KPNA5: variants seen among roughly 807,000 people sequenced by gnomAD.
KPNA5 encodes karyopherin subunit alpha 5, also known as importin subunit alpha-6.
A neutral mutation model predicts 71.3 loss-of-function variants in KPNA5; 46 were observed. The ratio of observed to expected loss-of-function variants is 0.65; its 90% CI spans 0.51 to 0.83. The LOEUF is 0.83. KPNA5 is among the 40% of genes least tolerant of loss of function. The pLI is 0.00. For synonymous variants in KPNA5, 207 were observed against 201.4 expected (o/e 1.03, Z -0.24); for missense variants, 547 against 628.3 (o/e 0.87, Z 1.38).
intron 7 of KPNA5, among the ~76,000 whole-genome samples, chr6:116,710,993 C>G (rs1778653811): frequency 6.8e-6 from 1 of 147,692 alleles, no homozygotes; most frequent in Non-Finnish European, 1.5e-5. Flanking sequence ...CTCCCGGGTT[C>G]AAGCGATTCT....
chr6:116,711,686 A>G (rs1300862707), intron 7 of KPNA5, among the ~76,000 whole-genome samples: 1 of 151,956 alleles, frequency 6.6e-6, no homozygotes, highest in East Asian at 1.9e-4. Flanking sequence ...TTATGATTTC[A>G]CTTTTCAAAA....
At chr6:116,730,783 A>G (rs1779452385) in intron 13 of KPNA5, among the ~76,000 whole-genome samples, 1 of 151,700 alleles carries the variant, frequency 6.6e-6, no homozygotes, top group Non-Finnish European at 1.5e-5. Flanking sequence ...AGATAGTAGT[A>G]TGTATTTTTC....
intron 1 of KPNA5, chr6:116,681,612 C>T: frequency 4.7e-6 from 5 of 1,061,692 alleles, no homozygotes; most frequent in Non-Finnish European, 5.9e-6. Context: ...CTCATCTTCG[C>T]CGCCCCGCCT....
At chr6:116,687,650 T>C (rs1303196458) in intron 1 of KPNA5, among the ~76,000 whole-genome samples, 1 of 152,240 alleles carries the variant, frequency 6.6e-6, no homozygotes, top group Non-Finnish European at 1.5e-5. Flanking sequence ...CTCTGTCTTA[T>C]GTTATCTTGC....
At chr6:116,696,597 T>C (rs980523067) in intron 4 of KPNA5, among the ~76,000 whole-genome samples, 1 of 152,192 alleles carries the variant, frequency 6.6e-6, no homozygotes, top group African/African-American at 2.4e-5. Context: ...CTCTTGTGGA[T>C]GTAAATCACA....
chr6:116,685,120 A>G (rs1392782384), intron 1 of KPNA5, among the ~76,000 whole-genome samples: 2 of 152,232 alleles, frequency 1.3e-5, no homozygotes, highest in African/African-American at 4.8e-5. Context: ...TCCAAAAACT[A>G]GAAACCACCC....
chr6:116,724,017 A>G (rs1345167803), intron 9 of KPNA5, among the ~76,000 whole-genome samples: 2 of 152,140 alleles, frequency 1.3e-5, no homozygotes, highest in Non-Finnish European at 2.9e-5. Context: ...AATCATGAAA[A>G]ACATTGGATA....
At chr6:116,683,895 C>A (rs1777463669) in intron 1 of KPNA5, among the ~76,000 whole-genome samples, 2 of 122,532 alleles carry the variant, frequency 1.6e-5, no homozygotes, top group East Asian at 2.7e-4. Context: ...CCGTGCCCGG[C>A]CTTTTTTTTT....
intron 12 of KPNA5, among the ~76,000 whole-genome samples, chr6:116,728,352 A>G (rs1291697699): frequency 6.6e-6 from 1 of 152,108 alleles, no homozygotes; most frequent in Non-Finnish European, 1.5e-5. Flanking sequence ...CCAAACTGAG[A>G]TAATTATTTT....
chr6:116,712,144 T>C (rs1374311381), intron 7 of KPNA5, among the ~76,000 whole-genome samples: 1 of 152,166 alleles, frequency 6.6e-6, no homozygotes, highest in East Asian at 1.9e-4. Context: ...TCTCACCATG[T>C]TGGTCAGACT....
intron 7 of KPNA5, among the ~76,000 whole-genome samples, chr6:116,706,603 C>T (rs951364396): frequency 1.3e-5 from 2 of 152,012 alleles, no homozygotes; most frequent in African/African-American, 2.4e-5. Flanking sequence ...GCAGCAGAAT[C>T]GCTTGTACCC....
intron 7 of KPNA5, among the ~76,000 whole-genome samples, chr6:116,705,693 A>G (rs1778414771): frequency 6.6e-6 from 1 of 152,170 alleles, no homozygotes; most frequent in Admixed American, 6.5e-5. Flanking sequence ...TTTTTGAAAT[A>G]CAGGTTTATA....
intron 7 of KPNA5, among the ~76,000 whole-genome samples, chr6:116,714,368 A>C (rs908805975): frequency 6.6e-6 from 1 of 152,244 alleles, no homozygotes; most frequent in African/African-American, 2.4e-5. Flanking sequence ...AAAAATAAAC[A>C]AAAAGAAAAG....
chr6:116,696,601 A>G (rs1778039248), intron 4 of KPNA5, among the ~76,000 whole-genome samples: 1 of 152,094 alleles, frequency 6.6e-6, no homozygotes, highest in African/African-American at 2.4e-5. Context: ...TGTGGATGTA[A>G]ATCACAAACC....
chr6:116,693,963 A>C (rs1583408158), intron 4 of KPNA5, among the ~76,000 whole-genome samples: 1 of 152,230 alleles, frequency 6.6e-6, no homozygotes, highest in East Asian at 1.9e-4. Context: ...ATGGCTAGCC[A>C]GTTTTCCCAG....
At chr6:116,698,829 C>G in intron 5 of KPNA5, 31 bp downstream of exon 5, 1 of 1,289,730 alleles carries the variant, frequency 7.8e-7, no homozygotes, top group South Asian at 1.4e-5. Context: ...CTTAATTTTT[C>G]TCTAGAAATG....
Position 116,739,790 on chromosome 6 carries a change from C to G in KPNA5, c.*7467C>G, listed in dbSNP as rs1390744830. On this transcript the variant is annotated 3_prime_UTR_variant, in exon 14 of 14. Transcript: ENST00000368564. ...AAATGGTGCTGGGAAAACTGGCTAG[C>G]CATATGTAGAAAGCTGAAACTGTAT... 1 of 151,336 alleles carries G rather than the reference C, an allele frequency of 6.6e-6. No individual in the cohort carries two copies. The highest frequency in any genetic ancestry group is 2.4e-5 in the African/African-American group (1 of 41,074). 9.4% of individuals were successfully genotyped at this position (151,336 alleles called of 1,614,324 possible). A position where few individuals can be genotyped will look rare whatever the true frequency, so the allele number is the denominator to read the frequency against.
intron 6 of KPNA5, among the ~76,000 whole-genome samples, chr6:116,702,527 A>G (rs1027530678): frequency 6.6e-6 from 1 of 152,180 alleles, no homozygotes; most frequent in Non-Finnish European, 1.5e-5. Context: ...TGCTAAAAAT[A>G]CAAAAATTAG....
intron 13 of KPNA5, 100 bp downstream of exon 13, chr6:116,729,841 T>C (rs1449823654): frequency 2.8e-6 from 2 of 714,128 alleles, no homozygotes; most frequent in Non-Finnish European, 4.2e-6. Context: ...AAAAGCAGTA[T>C]GTATTTTTTT....
Sources: gnomAD v4.1 joint callset for allele counts (sites outside exome capture counted in the v4.1 genomes callset) on GRCh38, gnomAD v4.1.1 for gene constraint, MANE v1.5 for transcripts, NCBI Gene and HGNC (gene_info 2026-07-23, HGNC 2026-07-21) for gene names.